FAM168A: variants seen among roughly 807,000 people sequenced by gnomAD.
FAM168A encodes protein FAM168A.
In FAM168A, 3 loss-of-function variants were observed where a neutral mutation model predicts 28.5. The ratio of observed to expected loss-of-function variants is 0.11; its 90% confidence interval spans 0.05 to 0.27. FAM168A has a LOEUF of 0.27. Ranked by LOEUF, FAM168A falls within the 10% of genes least tolerant of loss-of-function variation. FAM168A has a pLI of 1.00. For synonymous variants in FAM168A, 122 were observed against 124.2 expected, an observed-to-expected ratio of 0.98 and a Z score of 0.12; for missense variants, 222 against 311.5, an observed-to-expected ratio of 0.71 and a Z score of 2.16.
At chr11:73,500,876 T>C (rs1038117263) in intron 1 of FAM168A, among the ~76,000 whole-genome samples, 14 of 152,058 alleles carry the variant, frequency 9.2e-5, no homozygotes, top group African/African-American at 3.4e-4. Context: ...ATGCCCCAAT[T>C]AAAAGACACA....
In FAM168A at chr11:73,442,822, TTTTC is replaced by T. The variant is rs747153143; in HGVS notation, c.71-12056_71-12053del. Among the ~76,000 whole-genome samples, 52 of 145,572 alleles carry T rather than the reference TTTTC, an allele frequency of 3.6e-4. No individual in the cohort carries two copies. The South Asian group carries it at 5.5e-3, about 16-fold the overall frequency. ...CAGTGTTGTTCAAGGCTTCTATTTCTTTTCTTTCTTTCTTTCTTTTTTTTTTTTT... is the reference window on the plus strand; with the variant it reads ...CAGTGTTGTTCAAGGCTTCTATTTCTTTTCTTTCTTTCTTTTTTTTTTTTT... On this transcript the variant is annotated intron_variant, in intron 2 of 7. Coordinates refer to ENST00000356467, the MANE Select transcript of FAM168A (RefSeq NM_015159.3).
At chr11:73,421,421 C>T (rs1286807721) in intron 3 of FAM168A, among the ~76,000 whole-genome samples, 1 of 152,168 alleles carries the variant, frequency 6.6e-6, no homozygotes, top group Non-Finnish European at 1.5e-5. Flanking sequence ...ATATATACAG[C>T]AGATGCTGAG....
chr11:73,585,771 G>A (rs1362199345), intron 1 of FAM168A, among the ~76,000 whole-genome samples: 2 of 150,092 alleles, frequency 1.3e-5, no homozygotes, highest in Non-Finnish European at 2.9e-5. Flanking sequence ...AGGAGGCTGA[G>A]CCAGGAGAAT....
intron 1 of FAM168A, among the ~76,000 whole-genome samples, chr11:73,485,654 CTATTT>C (rs1868043322): frequency 6.6e-6 from 1 of 152,064 alleles, no homozygotes; most frequent in African/African-American, 2.4e-5. Flanking sequence ...GTTTTTCGTC[CTATTT>C]TATTACGTGT....
intron 1 of FAM168A, among the ~76,000 whole-genome samples, chr11:73,470,597 C>T (rs1217911717): frequency 6.6e-6 from 1 of 152,116 alleles, no homozygotes; most frequent in Non-Finnish European, 1.5e-5. Flanking sequence ...ATGCGTTTGG[C>T]CCCCTCTTGC....
chr11:73,426,434 C>G (rs1565239065), intron 3 of FAM168A, among the ~76,000 whole-genome samples: 1 of 152,216 alleles, frequency 6.6e-6, no homozygotes, highest in Non-Finnish European at 1.5e-5. Flanking sequence ...AGCTCTCTCT[C>G]AAGCAACTTC....
chr11:73,441,606 C>G (rs1228924217), intron 2 of FAM168A, among the ~76,000 whole-genome samples: 1 of 152,202 alleles, frequency 6.6e-6, no homozygotes, highest in African/African-American at 2.4e-5. Flanking sequence ...ATAATTCTTA[C>G]TCAAATATTT....
chr11:73,552,766 G>T (rs1943844291), intron 1 of FAM168A, among the ~76,000 whole-genome samples: 1 of 152,160 alleles, frequency 6.6e-6, no homozygotes, highest in African/African-American at 2.4e-5. Flanking sequence ...AGACCAGCCT[G>T]GCCAACATGG....
At chr11:73,536,914 T>C (rs1243393331) in intron 1 of FAM168A, among the ~76,000 whole-genome samples, 1 of 152,186 alleles carries the variant, frequency 6.6e-6, no homozygotes, top group African/African-American at 2.4e-5. Flanking sequence ...AAGAAACTAA[T>C]GGGTCATAGA....
At chr11:73,506,311 G>C (rs1855114005) in intron 1 of FAM168A, among the ~76,000 whole-genome samples, 1 of 151,776 alleles carries the variant, frequency 6.6e-6, no homozygotes, top group African/African-American at 2.4e-5. Flanking sequence ...ATCTAACCTT[G>C]GTATACAAGA....
At chr11:73,524,403 T>C (rs1590832419) in intron 1 of FAM168A, among the ~76,000 whole-genome samples, 1 of 151,832 alleles carries the variant, frequency 6.6e-6, no homozygotes, top group East Asian at 1.9e-4. Flanking sequence ...TATGAGGAGT[T>C]TCTCTAACTA....
chr11:73,513,860 C>T (rs1256665826), intron 1 of FAM168A, among the ~76,000 whole-genome samples: 2 of 152,062 alleles, frequency 1.3e-5, no homozygotes, highest in Non-Finnish European at 2.9e-5. Flanking sequence ...GTTATTTGAA[C>T]TTTCTGGCCC....
rs1246773434 is a variant in FAM168A at position 73,404,395 on chromosome 11, T to G, written c.*2368A>C. On this transcript the variant is annotated 3_prime_UTR_variant, in exon 8 of 8. Coordinates refer to ENST00000356467, the MANE Select transcript of FAM168A (RefSeq NM_015159.3). Reference sequence around the variant, plus strand: ...GGCGAGTACATGAAAGGCCGTGAAGTGCTTTGACCTCTGTGATGCACCTGA... The same window carrying G: ...GGCGAGTACATGAAAGGCCGTGAAGGGCTTTGACCTCTGTGATGCACCTGA... 6.6e-6 allele frequency: 1 copy of G among 152,220 alleles called. No individual in the cohort carries two copies. The highest frequency in any genetic ancestry group is 1.5e-5 in the Non-Finnish European group (1 of 68,034). 9.4% of individuals were successfully genotyped at this position (152,220 alleles called of 1,614,324 possible).
intron 3 of FAM168A, among the ~76,000 whole-genome samples, chr11:73,427,139 G>A (rs1357513975): frequency 2.6e-5 from 4 of 151,870 alleles, no homozygotes; most frequent in African/African-American, 4.8e-5. Context: ...TTATGGGCAC[G>A]TGCCACCACG....
At chr11:73,547,771 A>G (rs1481797369) in intron 1 of FAM168A, among the ~76,000 whole-genome samples, 4 of 152,146 alleles carry the variant, frequency 2.6e-5, no homozygotes, top group South Asian at 2.1e-4. Flanking sequence ...ACATATTTGC[A>G]TATCTGTGTT....
chr11:73,496,917 G>GCA (rs376951839), intron 1 of FAM168A, among the ~76,000 whole-genome samples: 8 of 129,414 alleles, frequency 6.2e-5, no homozygotes, highest in East Asian at 4.1e-4. Flanking sequence ...GCACACACAC[G>GCA]CACACACACA....
intron 1 of FAM168A, among the ~76,000 whole-genome samples, chr11:73,569,501 T>C (rs1944060660): frequency 6.6e-6 from 1 of 152,186 alleles, no homozygotes; most frequent in Non-Finnish European, 1.5e-5. Context: ...CTATTTTACA[T>C]ACGAAAAAGA....
At chr11:73,413,119 T>C (rs1278926428) in intron 4 of FAM168A, among the ~76,000 whole-genome samples, 3 of 152,158 alleles carry the variant, frequency 2.0e-5, no homozygotes, top group Admixed American at 2.0e-4. Flanking sequence ...TACCACATGG[T>C]CACAAATCTT....
intron 1 of FAM168A, among the ~76,000 whole-genome samples, chr11:73,478,272 G>A (rs7104108): frequency 0.039 from 5,989 of 152,036 alleles, 401 homozygotes; most frequent in African/African-American, 0.14. Context: ...GTTAAATATC[G>A]ACAATATCAA....
Sources: gnomAD v4.1 joint callset for allele counts (sites outside exome capture counted in the v4.1 genomes callset) on GRCh38, gnomAD v4.1.1 for gene constraint, MANE v1.5 for transcripts, NCBI Gene and HGNC (gene_info 2026-07-23, HGNC 2026-07-21) for gene names.